The following ANKRD30B variants were observed in gnomAD, a reference collection of about 807,000 sequenced individuals.
ANKRD30B encodes ankyrin repeat domain-containing protein 30B.
Under a neutral mutation model 202.2 loss-of-function variants are expected in ANKRD30B, and 144 were observed. The ratio of observed to expected loss-of-function variants is 0.71; its 90% confidence interval spans 0.62 to 0.82. ANKRD30B has a LOEUF of 0.82. Among genes scored for constraint, ANKRD30B ranks in the 40% least tolerant of loss-of-function variants. The pLI, the probability that ANKRD30B is intolerant of heterozygous loss-of-function variation, is 0.00. For missense variants in ANKRD30B, 1,487 were observed against 1,669.1 expected (o/e 0.89, Z 1.90); for synonymous variants, 508 against 561.3 (o/e 0.91, Z 1.34).
the ANKRD30B span, among the ~76,000 whole-genome samples, chr18:14,915,204 G>T: frequency 3.9e-5 from 6 of 152,128 alleles, no homozygotes; most frequent in Non-Finnish European, 8.8e-5. Flanking sequence ...AAGTAAGAGA[G>T]CAAACAGCAG....
the ANKRD30B span, among the ~76,000 whole-genome samples, chr18:14,877,314 TGAATGAATGAATGAATG>T: frequency 1.7e-5 from 2 of 118,256 alleles, no homozygotes; most frequent in African/African-American, 6.0e-5. Flanking sequence ...AAATGATGAA[TGAATGAATGAATGAATG>T]AATGAATGAA....
rs146944735 is a variant in ANKRD30B at position 14,752,974 on chromosome 18, C to T, written c.472C>T (p.Leu158=). ...TGAGAATTTGTTAATGGTGGCAACA[C>T]TGCTGTCCTATGGTGCAGTCATCGA... The part of the protein sequence containing the change: ...YSENLLMVAT[L]LSYGAVIEVQ... Residue 158 remains leucine, a synonymous_variant, in exon 3 of 44, where the codon CTG becomes TTG. Transcript: ENST00000690538. 47 of 1,603,544 alleles carry T rather than the reference C, an allele frequency of 2.9e-5. No homozygotes were observed. Among genetic ancestry groups the T allele is most frequent in the East Asian group, 1.1e-4 (5 of 44,070 alleles).
intron 42 of ANKRD30B, among the ~76,000 whole-genome samples, chr18:14,853,026 G>A (rs979784224): frequency 1.8e-4 from 28 of 151,990 alleles, no homozygotes; most frequent in Admixed American, 1.8e-3. Context: ...ATTTTTTAAA[G>A]GCATCTGTGT....
At chr18:14,846,024 C>T (rs1323057234) in intron 39 of ANKRD30B, among the ~76,000 whole-genome samples, 4 of 151,578 alleles carry the variant, frequency 2.6e-5, no homozygotes, top group Admixed American at 6.6e-5. Flanking sequence ...CAAACCAATA[C>T]GAATATTTAT....
intron 9 of ANKRD30B, among the ~76,000 whole-genome samples, chr18:14,772,841 G>C (rs371591900): frequency 6.6e-6 from 1 of 151,776 alleles, no homozygotes; most frequent in Non-Finnish European, 1.5e-5. Flanking sequence ...ATTTATTTGG[G>C]CATGGTGGTG....
intron 24 of ANKRD30B, among the ~76,000 whole-genome samples, chr18:14,807,508 C>A: frequency 6.8e-6 from 1 of 147,594 alleles, no homozygotes; most frequent in South Asian, 2.2e-4. Flanking sequence ...AAATTGACAT[C>A]TAATTTTTGA....
chr18:14,763,357 T>C (rs1370793395), intron 6 of ANKRD30B, among the ~76,000 whole-genome samples: 2 of 152,168 alleles, frequency 1.3e-5, no homozygotes, highest in Admixed American at 6.6e-5. Context: ...GAGACTAGCC[T>C]GACTAACATG....
chr18:14,908,265 TC>T, the ANKRD30B span, among the ~76,000 whole-genome samples: 1 of 152,102 alleles, frequency 6.6e-6, no homozygotes, highest in African/African-American at 2.4e-5. Flanking sequence ...TTTCCTAGGA[TC>T]CCTGCAAGTG....
At chr18:14,875,393 C>CAGAA in the ANKRD30B span, among the ~76,000 whole-genome samples, 1 of 152,184 alleles carries the variant, frequency 6.6e-6, no homozygotes, top group African/African-American at 2.4e-5. Context: ...CCACACAGGA[C>CAGAA]AGAAGGGCAT....
At chr18:14,934,378 C>T in the ANKRD30B span, among the ~76,000 whole-genome samples, 1 of 152,194 alleles carries the variant, frequency 6.6e-6, no homozygotes, top group East Asian at 1.9e-4. Flanking sequence ...TGGACATACT[C>T]ACAGCAGTGA....
chr18:14,755,651 G>T (rs1478833175), intron 4 of ANKRD30B, among the ~76,000 whole-genome samples: 2 of 152,064 alleles, frequency 1.3e-5, no homozygotes, highest in Admixed American at 6.6e-5. Flanking sequence ...AGAACATGTG[G>T]TGTTTGGTTT....
downstream of ANKRD30B, among the ~76,000 whole-genome samples, chr18:14,856,157 C>T (rs528065027): frequency 3.7e-4 from 53 of 142,238 alleles, 1 homozygote; most frequent in South Asian, 7.2e-3. Context: ...CCAGATGGGA[C>T]GGCCAGGCAG....
intron 6 of ANKRD30B, among the ~76,000 whole-genome samples, chr18:14,761,082 A>T (rs972605109): frequency 6.6e-6 from 1 of 152,230 alleles, no homozygotes; most frequent in African/African-American, 2.4e-5. Flanking sequence ...ATGTTATTAC[A>T]AATGATAATT....
the ANKRD30B span, among the ~76,000 whole-genome samples, chr18:14,871,514 C>G: frequency 6.6e-6 from 1 of 151,348 alleles, no homozygotes; most frequent in African/African-American, 2.4e-5. Context: ...CACCACAGGA[C>G]TGTTGGGAAG....
At chr18:14,844,611 G>A (rs1019180728) in intron 39 of ANKRD30B, among the ~76,000 whole-genome samples, 7 of 152,196 alleles carry the variant, frequency 4.6e-5, no homozygotes, top group South Asian at 4.1e-4. Flanking sequence ...TAATGGGATC[G>A]CTGGATCAAA....
At chr18:14,794,204 G>A (rs1400466731) in intron 16 of ANKRD30B, among the ~76,000 whole-genome samples, 3 of 151,926 alleles carry the variant, frequency 2.0e-5, no homozygotes, top group South Asian at 2.1e-4. Context: ...AAAAAATAAC[G>A]AAGGTAGTAT....
At chr18:14,755,030 A>G in intron 4 of ANKRD30B, 25 bp downstream of exon 4, 1 of 1,314,792 alleles carries the variant, frequency 7.6e-7, no homozygotes, top group South Asian at 1.8e-5. Context: ...TTTTTTTACT[A>G]AAAAACACTT....
chr18:14,807,650 G>A lies in ANKRD30B; in HGVS notation c.2285-901G>A, dbSNP rs1251255285. Among the ~76,000 whole-genome samples, 24 of 148,670 alleles carry A rather than the reference G, an allele frequency of 1.6e-4. 1 individual carries two copies. The highest frequency in any genetic ancestry group is 3.0e-4 in the Non-Finnish European group (20 of 67,180). On this transcript the variant is annotated intron_variant, in intron 24 of 43. Transcript: ENST00000690538. ...GGGTTCAAGTGATTCTCACAGCTCC[G>A]GCTCCCAAGTAGCTGCGGTTACAGG... is the stretch of plus-strand genomic sequence containing the variant.
chr18:14,876,678 C>A, the ANKRD30B span, among the ~76,000 whole-genome samples: 17 of 152,310 alleles, frequency 1.1e-4, no homozygotes, highest in South Asian at 3.5e-3. Flanking sequence ...AAGGCATCAT[C>A]TACTTTTTAA....
Sources: allele counts gnomAD v4.1 joint callset (sites outside exome capture counted in the v4.1 genomes callset), GRCh38; gene constraint gnomAD v4.1.1; transcripts MANE v1.5; gene names NCBI Gene and HGNC (gene_info 2026-07-23, HGNC 2026-07-21).